KDM6A: variants seen among roughly 807,000 people sequenced by gnomAD.
The protein encoded by KDM6A is lysine demethylase 6A, also known as lysine-specific demethylase 6A.
Under a neutral mutation model 117.6 loss-of-function variants are expected in KDM6A, and 11 were observed. The ratio of observed to expected loss-of-function variants is 0.09; its 90% CI spans 0.06 to 0.15. KDM6A has a LOEUF of 0.15. Among genes scored for constraint, KDM6A ranks in the 10% least tolerant of loss-of-function variants. KDM6A has a pLI of 1.00. For missense variants in KDM6A, 799 were observed against 1,077.3 expected (o/e 0.74, Z 3.62); for synonymous variants, 384 against 396.1 (o/e 0.97, Z 0.36).
intron 27 of KDM6A, among the ~76,000 whole-genome samples, chrX:45,100,438 C>T (rs1235394383): frequency 1.8e-5 from 2 of 112,043 alleles, no homozygotes; most frequent in East Asian, 2.8e-4. Context: ...GTTTATTCAC[C>T]AGCAACTTTG....
intron 4 of KDM6A, among the ~76,000 whole-genome samples, chrX:44,996,870 G>A (rs1029701357): frequency 1.8e-5 from 2 of 111,645 alleles, no homozygotes; most frequent in Non-Finnish European, 3.8e-5. Context: ...TTCTAGTGGA[G>A]GAGATAAATG....
chrX:45,086,969 A>G lies in KDM6A; in HGVS notation c.3704+990A>G, dbSNP rs140958642. ...ATTACTTTGAAAACTAATTATACAC[A>G]TATTCCACATACTACTTTATTTTTA... is the stretch of plus-strand genomic sequence containing the variant. On this transcript the variant is annotated intron_variant, in intron 25 of 29. Transcript: ENST00000611820. Among the ~76,000 whole-genome samples the G allele has an allele frequency of 5.9e-3, 663 of 112,563 alleles. 5 individuals carry two copies. The highest frequency in any genetic ancestry group is 0.02 in the African/African-American group (624 of 30,997).
intron 18 of KDM6A, among the ~76,000 whole-genome samples, chrX:45,075,369 G>A (rs1284530749): frequency 9.0e-6 from 1 of 111,435 alleles, no homozygotes; most frequent in Non-Finnish European, 1.9e-5. Context: ...GTCTTTAAAT[G>A]TACAAGGCAC....
intron 4 of KDM6A, among the ~76,000 whole-genome samples, chrX:44,993,695 G>A (rs1302960177): frequency 9.0e-6 from 1 of 111,252 alleles, no homozygotes; most frequent in Non-Finnish European, 1.9e-5. Context: ...GTGAAACCCC[G>A]TCTCTACTAA....
intron 2 of KDM6A, among the ~76,000 whole-genome samples, chrX:44,900,670 G>A (rs192136006): frequency 1.5e-4 from 17 of 111,467 alleles, no homozygotes; most frequent in African/African-American, 5.2e-4. Context: ...AATCCGAGGC[G>A]GGCGGATCAT....
intron 2 of KDM6A, among the ~76,000 whole-genome samples, chrX:44,906,138 A>G (rs1204120827): frequency 1.8e-5 from 2 of 110,982 alleles, no homozygotes; most frequent in African/African-American, 3.3e-5. Context: ...CCCATCCTCA[A>G]TACTTCTCCT....
At chrX:44,898,185 T>C (rs1015321073) in intron 2 of KDM6A, among the ~76,000 whole-genome samples, 1 of 111,750 alleles carries the variant, frequency 8.9e-6, no homozygotes, top group African/African-American at 3.3e-5. Flanking sequence ...ACTGCACTGA[T>C]GCTGCAGGGT....
intron 2 of KDM6A, among the ~76,000 whole-genome samples, chrX:44,921,677 T>G (rs899117218): frequency 1.8e-5 from 2 of 111,467 alleles, no homozygotes; most frequent in African/African-American, 6.5e-5. Context: ...TCTATGGTTA[T>G]GGATATACCA....
intron 28 of KDM6A, among the ~76,000 whole-genome samples, chrX:45,109,141 TAAATA>T (rs2046664819): frequency 8.3e-5 from 7 of 84,495 alleles, no homozygotes; most frequent in African/African-American, 3.4e-4. Context: ...ATAATAATAA[TAAATA>T]AATAAATAAA....
chrX:45,107,483 A>G lies in KDM6A; in HGVS notation c.4108A>G (p.Ile1370Val). ...EALIAAGKEI[I>V]WHGRTKEEPA... ...TCTCATTGCTGCAGGAAAAGAGATT[A>G]TATGGCATGGGCGGACAAAAGAAGA... is the stretch of plus-strand genomic sequence containing the variant. The change falls in exon 28 of 30, where the codon ATA becomes GTA. Residue 1370 changes from isoleucine (I) to valine (V), a missense_variant. Physicochemically the swap from Ile to Val is conservative, Grantham distance 29. Transcript: ENST00000611820. 3 of 1,209,980 alleles carry G rather than the reference A, an allele frequency of 2.5e-6. No individual in the cohort carries two copies. Among genetic ancestry groups the G allele is most frequent in the African/African-American group, 3.5e-5 (2 of 57,890 alleles).
chrX:44,878,807 G>A (rs1427350186), intron 2 of KDM6A, among the ~76,000 whole-genome samples: 1 of 109,754 alleles, frequency 9.1e-6, no homozygotes, highest in East Asian at 2.9e-4. Context: ...CTGCAACCTC[G>A]GTCTTCCAGG....
At position 44,884,811 on chromosome X, in the gene KDM6A, CTT is replaced by C. The variant is rs760466424; in HGVS notation, c.225+10826_225+10827del. 3.6e-5 allele frequency among the ~76,000 whole-genome samples: 4 copies of C among 111,751 alleles called. No homozygotes were observed. In the East Asian group the frequency reaches 1.1e-3, roughly 31 times the overall value. On this transcript the variant is annotated intron_variant, in intron 2 of 29. Transcript: ENST00000611820. ...GCAAGGATGCTGTGTTTTAGGTCCT[CTT>C]TACTCACCCTGTTCCCAATTTACAT...
chrX:44,987,228 A>G (rs2040280447), intron 4 of KDM6A, among the ~76,000 whole-genome samples: 1 of 110,961 alleles, frequency 9.0e-6, no homozygotes, highest in Admixed American at 9.6e-5. Context: ...TAGGATTGCA[A>G]CCCCTGCCTT....
chrX:44,975,923 A>C (rs1284800231), intron 4 of KDM6A, among the ~76,000 whole-genome samples: 1 of 112,298 alleles, frequency 8.9e-6, no homozygotes, highest in African/African-American at 3.2e-5. Flanking sequence ...TTTGAGCCTT[A>C]TACAGGGGAG....
Position 45,070,208 on chromosome X carries a change from A to G in KDM6A, c.2709A>G (p.Leu903=), listed in dbSNP as rs2044755100. 2 of 1,211,137 alleles carry G rather than the reference A, an allele frequency of 1.7e-6. No individual in the cohort carries two copies. The highest frequency in any genetic ancestry group is 2.2e-6 in the Non-Finnish European group (2 of 894,898). Residue 903 remains leucine (L), a synonymous_variant, in exon 18 of 30, where the codon CTA becomes CTG. Transcript: ENST00000611820. ...VTSLNSPHSG[L]HTINGEGMEE... ...GCCTTAACAGCCCTCACAGTGGGCTACACACAATTAATGGAGAAGGGATGG... is the reference window on the plus strand; with the variant it reads ...GCCTTAACAGCCCTCACAGTGGGCTGCACACAATTAATGGAGAAGGGATGG...
intron 10 of KDM6A, among the ~76,000 whole-genome samples, chrX:45,055,388 T>A (rs1443432403): frequency 9.0e-6 from 1 of 111,180 alleles, no homozygotes; most frequent in African/African-American, 3.3e-5. Flanking sequence ...AAAAAATTTT[T>A]AAAAACATTT....
chrX:44,979,044 T>C (rs2039755364), intron 4 of KDM6A, among the ~76,000 whole-genome samples: 1 of 112,315 alleles, frequency 8.9e-6, no homozygotes, highest in Admixed American at 9.5e-5. Context: ...TGAATATTAT[T>C]TGTCTTTGTG....
At chrX:44,924,818 A>G (rs757419863) in intron 2 of KDM6A, among the ~76,000 whole-genome samples, 62 of 110,786 alleles carry the variant, frequency 5.6e-4, no homozygotes, top group African/African-American at 1.9e-3. Context: ...CCTCCCAAAT[A>G]GCTGGGACCA....
intron 2 of KDM6A, among the ~76,000 whole-genome samples, chrX:44,948,040 A>C (rs1482319187): frequency 9.0e-6 from 1 of 111,647 alleles, no homozygotes; most frequent in Non-Finnish European, 1.9e-5. Flanking sequence ...AGAACTTAAG[A>C]ACTTTGTGTT....
Sources: allele counts gnomAD v4.1 joint callset (sites outside exome capture counted in the v4.1 genomes callset), GRCh38; gene constraint gnomAD v4.1.1; transcripts MANE v1.5; gene names NCBI Gene and HGNC (gene_info 2026-07-23, HGNC 2026-07-21).